Variants in CACNA2D4 observed in about 807,000 individuals in gnomAD.
CACNA2D4 encodes the protein voltage-dependent calcium channel subunit alpha-2/delta-4.
CACNA2D4 carries 157 observed loss-of-function variants against 163.8 expected under a neutral mutation model. The observed-to-expected ratio is 0.96, with a 90% CI of 0.84 to 1.09. CACNA2D4 has a LOEUF of 1.09. Ranked by LOEUF, CACNA2D4 falls within the 50% of genes least tolerant of loss-of-function variation. The pLI is 0.00. For missense variants in CACNA2D4, 1,410 were observed against 1,479.9 expected, an observed-to-expected ratio of 0.95 and a Z score of 0.78; for synonymous variants, 598 against 586.9, an observed-to-expected ratio of 1.02 and a Z score of -0.27.
In CACNA2D4 at chr12:1,805,593, T is replaced by C. The variant is rs189311169; in HGVS notation, c.2722-3949A>G. On this transcript the variant is annotated intron_variant, in intron 29 of 37. Coordinates refer to ENST00000382722, the MANE Select transcript of CACNA2D4 (RefSeq NM_172364.5). ...CCAGGCTGCAGTCTCTTAAGGAGTG[T>C]TTTGGACACTCAGGGGTGCCTGGGA... 1.2e-3 allele frequency among the ~76,000 whole-genome samples: 189 copies of C among 152,220 alleles called. 2 individuals are homozygous for C. The highest frequency in any genetic ancestry group is 2.3e-3 in the Non-Finnish European group (157 of 67,998).
chr12:1,907,416 G>A, intron 6 of CACNA2D4, 24 bp downstream of exon 6: 6 of 1,606,820 alleles, frequency 3.7e-6, no homozygotes, highest in Non-Finnish European at 5.1e-6. Flanking sequence ...AGAAGGTCGG[G>A]GAGATGCAAC....
At chr12:1,889,688 G>T (rs1866232322) in intron 6 of CACNA2D4, among the ~76,000 whole-genome samples, 1 of 151,492 alleles carries the variant, frequency 6.6e-6, no homozygotes, top group Non-Finnish European at 1.5e-5. Flanking sequence ...ATAACTGAAA[G>T]AATAAAAACA....
chr12:1,795,316 G>C lies in CACNA2D4; in HGVS notation c.3292C>G (p.His1098Asp). 3 of 1,613,222 alleles carry C rather than the reference G, an allele frequency of 1.9e-6. No individual in the cohort carries two copies. The South Asian group carries it at 3.3e-5, about 18-fold the overall frequency. ...ACCCGCACCTCTGGATGGAAGGCGTGGCAGGAGTCTGGTCGCCGGCGGAGC... is the reference window on the plus strand; with the variant it reads ...ACCCGCACCTCTGGATGGAAGGCGTCGCAGGAGTCTGGTCGCCGGCGGAGC... The part of the protein sequence containing the change: ...QKLRRRPDSC[H>D]AFHPEENAQD... The change falls in exon 37 of 38, where the codon CAC (histidine) becomes GAC (aspartate). Residue 1098 changes from histidine (H) to aspartate (D), a missense_variant. Coordinates refer to ENST00000382722, the MANE Select transcript of CACNA2D4 (RefSeq NM_172364.5).
intron 31 of CACNA2D4, 107 bp downstream of exon 31, chr12:1,800,931 CCTGGG>C (rs1863298493): frequency 2.1e-6 from 2 of 956,536 alleles, no homozygotes; most frequent in African/African-American, 3.2e-5. Flanking sequence ...AAGGTAGGGC[CCTGGG>C]GCCAGACACC....
At chr12:1,896,617 AC>A (rs1866408340) in intron 6 of CACNA2D4, among the ~76,000 whole-genome samples, 1 of 126,068 alleles carries the variant, frequency 7.9e-6, no homozygotes, top group Admixed American at 7.7e-5. Flanking sequence ...ACACACACAC[AC>A]ACACACACAC....
chr12:1,792,194 G>C lies in CACNA2D4; in HGVS notation c.*1461C>G, dbSNP rs1000700326. 6.6e-6 allele frequency: 1 copy of C among 150,730 alleles called. No homozygotes were observed. Among genetic ancestry groups the C allele is most frequent in the Non-Finnish European group, 1.5e-5 (1 of 67,480 alleles). The allele number at this position is 150,730 out of a possible 1,614,324, so 9.3% of individuals were successfully genotyped here. ...TATTTGGTACATGTAAACCTTAGCTGTTCTAGCATTATTCTGCCACTTAAG... is the reference window on the plus strand; with the variant it reads ...TATTTGGTACATGTAAACCTTAGCTCTTCTAGCATTATTCTGCCACTTAAG... On this transcript the variant is annotated 3_prime_UTR_variant, in exon 38 of 38. Transcript: ENST00000382722.
In CACNA2D4 at chr12:1,879,812, T is replaced by G. The variant is rs1865955507; in HGVS notation, c.1555A>C (p.Asn519His). 6.2e-7 allele frequency: 1 copy of G among 1,600,960 alleles called. No homozygotes were observed. The highest frequency in any genetic ancestry group is 1.7e-5 in the Admixed American group (1 of 58,224). The change falls in exon 14 of 38, where the codon AAC (asparagine) becomes CAC (histidine). Residue 519 changes from asparagine (N) to histidine (H), a missense_variant. Physicochemically the swap from Asn to His is moderately conservative, Grantham distance 68 (BLOSUM62 1). Transcript: ENST00000382722. ...CAGGAGCGGCCACTCACCGTTTCGT[T>G]CTTCTTGCTGAAGACTGGCATGGCC... is the stretch of plus-strand genomic sequence containing the variant. Reference protein sequence around the residue: ...TVAMPVFSKKNETRSHGILLG... With the variant: ...TVAMPVFSKKHETRSHGILLG...
chr12:1,815,372 G>A (rs1287830657), intron 26 of CACNA2D4, among the ~76,000 whole-genome samples: 3 of 151,006 alleles, frequency 2.0e-5, no homozygotes, highest in African/African-American at 7.4e-5. Flanking sequence ...TTACATGGCT[G>A]GCTCCTTCCC....
In CACNA2D4 at chr12:1,882,933, G is replaced by A. The variant is rs781417270; in HGVS notation, c.1419C>T (p.Leu473=). Residue 473 remains leucine (L), a synonymous_variant, in exon 13 of 38, where the codon CTC becomes CTT. Coordinates refer to ENST00000382722, the MANE Select transcript of CACNA2D4 (RefSeq NM_172364.5). The part of the protein sequence containing the change: ...QENVMEYLHV[L]SRPMVINHDH... ...CGTGGTTGATGACCATGGGGCGGCT[G>A]AGCACGTGCAGGTATTCCATCACGT... The A allele has an allele frequency of 2.5e-6, 4 of 1,613,650 alleles. No homozygotes were observed. The Admixed American group carries it at 6.7e-5, about 27-fold the overall frequency.
At chr12:1,813,403 CCTAAGATGATGA>C (rs1247601566) in intron 26 of CACNA2D4, among the ~76,000 whole-genome samples, 1 of 152,184 alleles carries the variant, frequency 6.6e-6, no homozygotes, top group Non-Finnish European at 1.5e-5. Context: ...AATTGAATCT[CCTAAGATGATGA>C]AGATGGCCTA....
chr12:1,884,227 C>A lies in CACNA2D4; in HGVS notation c.1351+16G>T. ...TCAGGTGCAGGTGGGAAGGTACCTG[C>A]TGGCCCGGCACTCACCTTTGTTGTT... is the stretch of plus-strand genomic sequence containing the variant. On this transcript the variant is annotated intron_variant, in intron 12 of 37. Coordinates refer to ENST00000382722, the MANE Select transcript of CACNA2D4 (RefSeq NM_172364.5). 1 of 1,608,868 alleles carries A rather than the reference C, an allele frequency of 6.2e-7. No homozygotes were observed. The highest frequency in any genetic ancestry group is 8.5e-7 in the Non-Finnish European group (1 of 1,177,698).
intron 5 of CACNA2D4, 111 bp downstream of exon 5, chr12:1,907,764 G>A: frequency 7.4e-7 from 1 of 1,342,886 alleles, no homozygotes; most frequent in Non-Finnish European, 1.0e-6. Context: ...GGGTGTGTCT[G>A]GTGGGCCAGC....
Position 1,844,845 on chromosome 12 carries a change from T to A in CACNA2D4, c.2343-316A>T, listed in dbSNP as rs1341848433. 6.6e-6 allele frequency among the ~76,000 whole-genome samples: 1 copy of A among 152,204 alleles called. No homozygotes were observed. Among genetic ancestry groups the A allele is most frequent in the Non-Finnish European group, 1.5e-5 (1 of 68,042 alleles). On this transcript the variant is annotated intron_variant, in intron 24 of 37. Coordinates refer to ENST00000382722, the MANE Select transcript of CACNA2D4 (RefSeq NM_172364.5). This position sits in a 1 kb window ranked among gnomAD's most constrained non-coding sequence, Gnocchi z 4.2. ...GCCCAATTTCTTCTTGTCTGGCTCG[T>A]TGGCACGTCTGAGGGAGGAAGCTGT...
chr12:1,909,746 T>C (rs932778698), intron 4 of CACNA2D4, among the ~76,000 whole-genome samples, 160 bp downstream of exon 4: 5 of 152,214 alleles, frequency 3.3e-5, no homozygotes, highest in Non-Finnish European at 7.3e-5. Context: ...CAAGTTCCGA[T>C]CCAGAGGCTA....
intron 6 of CACNA2D4, 44 bp downstream of exon 6, chr12:1,907,396 G>A: frequency 6.5e-7 from 1 of 1,530,154 alleles, no homozygotes; most frequent in Non-Finnish European, 8.9e-7. Context: ...TATTTCCAGA[G>A]AAGAATCCCA....
chr12:1,831,054 C>T (rs1409024015), intron 26 of CACNA2D4: 5 of 1,613,952 alleles, frequency 3.1e-6, no homozygotes, highest in East Asian at 2.2e-5. Context: ...CACCACGGTG[C>T]CCCCAGACGT....
rs942156541 is a variant in CACNA2D4 at position 1,797,991 on chromosome 12, T to G, written c.2996-456A>C. On this transcript the variant is annotated intron_variant, in intron 34 of 37. Transcript: ENST00000382722. ...CAGTTCCTGGGCAATCCTGCCCTGC[T>G]CTCCCGCACAGCCAGGCCCACACTC... 3.3e-5 allele frequency among the ~76,000 whole-genome samples: 5 copies of G among 151,860 alleles called. No homozygotes were observed. The South Asian group carries it at 8.3e-4, about 25-fold the overall frequency.
rs1218856068 is a variant in CACNA2D4, at chr12:1,802,774, TC to T, written c.2722-1131del. On this transcript the variant is annotated intron_variant, in intron 29 of 37. Coordinates refer to ENST00000382722, the MANE Select transcript of CACNA2D4 (RefSeq NM_172364.5). This position sits in a 1 kb window ranked among gnomAD's most constrained non-coding sequence, Gnocchi z 4.7. ...TCCTCTGTCCTCATGCCAAGGAACT[TC>T]TTTCCTCACCCTCGCTGGGAAGTCT... 1.3e-5 allele frequency among the ~76,000 whole-genome samples: 2 copies of T among 152,198 alleles called. No homozygotes were observed. Among genetic ancestry groups the T allele is most frequent in the Non-Finnish European group, 2.9e-5 (2 of 68,038 alleles).
In CACNA2D4 at chr12:1,799,249, C is replaced by G. The variant is rs184013281; in HGVS notation, c.2995+426G>C. ...GGTTGCTGCCTCTGGGGGACTCTGT[C>G]CTCAGACACAGGGTCCCGCAGGGGA... On this transcript the variant is annotated intron_variant, in intron 34 of 37. Coordinates refer to ENST00000382722, the MANE Select transcript of CACNA2D4 (RefSeq NM_172364.5). This position sits in a 1 kb window ranked among gnomAD's most constrained non-coding sequence, Gnocchi z 4.7. Among the ~76,000 whole-genome samples, 37 of 152,312 alleles carry G rather than the reference C, an allele frequency of 2.4e-4. No individual in the cohort carries two copies. Among genetic ancestry groups the G allele is most frequent in the Non-Finnish European group, 4.9e-4 (33 of 68,030 alleles).
Sources: gnomAD v4.1 joint callset for allele counts (sites outside exome capture counted in the v4.1 genomes callset) on GRCh38, gnomAD v4.1.1 for gene constraint, Gnocchi (gnomAD v3.1) non-coding constraint, MANE v1.5 for transcripts, NCBI Gene and HGNC (gene_info 2026-07-23, HGNC 2026-07-21) for gene names.